The following FANCI variants were observed in gnomAD, a reference collection of about 807,000 sequenced individuals.
FANCI encodes Fanconi anemia group I protein.
FANCI carries 156 observed loss-of-function variants against 176.1 expected under a neutral mutation model. That is an observed-to-expected ratio of 0.89 (90% CI 0.78 to 1.01). FANCI has a LOEUF of 1.01. Among genes scored for constraint, FANCI ranks in the 50% least tolerant of loss-of-function variants. The probability of loss-of-function intolerance (pLI) is 0.00; values close to 1 mark genes in which losing one functional copy is unlikely to be tolerated. For missense variants in FANCI, 1,678 were observed against 1,534.1 expected (o/e 1.09, Z -1.57); for synonymous variants, 613 against 541.7 (o/e 1.13, Z -1.83).
intron 12 of FANCI, among the ~76,000 whole-genome samples, chr15:89,275,151 C>T (rs2053363770): frequency 7.4e-6 from 1 of 135,164 alleles, no homozygotes; most frequent in African/African-American, 2.7e-5. Context: ...TAGACTTGAT[C>T]TTCTGGGCTC....
At chr15:89,260,121 CTTTT>C (rs781094389) in intron 3 of FANCI, among the ~76,000 whole-genome samples, 1 of 150,880 alleles carries the variant, frequency 6.6e-6, no homozygotes. Context: ...TTGTTATTAT[CTTTT>C]TTTTTCAGTT....
intron 31 of FANCI, 103 bp from the exon 32 acceptor site, chr15:89,305,904 C>T: frequency 7.8e-7 from 1 of 1,274,722 alleles, no homozygotes; most frequent in Admixed American, 1.8e-5. Context: ...GTTCGTTTTT[C>T]CATAAAGACT....
intron 11 of FANCI, 95 bp from the exon 12 acceptor site, chr15:89,274,073 A>C (rs899953689): frequency 2.1e-6 from 2 of 952,200 alleles, no homozygotes; most frequent in Non-Finnish European, 3.1e-6. Flanking sequence ...TGAGCTATAT[A>C]ATATTTGCTT....
intron 2 of FANCI, among the ~76,000 whole-genome samples, chr15:89,251,293 T>G (rs566386107): frequency 2.6e-5 from 4 of 152,260 alleles, no homozygotes; most frequent in Admixed American, 2.6e-4. Flanking sequence ...CCAGTTTCCA[T>G]AGAAGAAAAG....
intron 10 of FANCI, among the ~76,000 whole-genome samples, chr15:89,272,768 C>A (rs1007500341): frequency 7.9e-5 from 12 of 152,220 alleles, no homozygotes; most frequent in Non-Finnish European, 1.6e-4. Flanking sequence ...CTCCCAGATT[C>A]AAGTGATTCT....
chr15:89,253,588 T>C (rs963883339), intron 2 of FANCI, among the ~76,000 whole-genome samples: 1 of 152,010 alleles, frequency 6.6e-6, no homozygotes, highest in Non-Finnish European at 1.5e-5. Context: ...CTCTTTAAGC[T>C]CAGTGCAGTG....
Position 89,316,547 on chromosome 15 carries a change from C to T in FANCI, c.*88C>T. On this transcript the variant is annotated 3_prime_UTR_variant, in exon 38 of 38. Transcript: ENST00000310775. ...AATGCCCCTTGTCCTGTAGTCCACA[C>T]CGATGTTGGCATCTTGGTTCTGAAC... 2 of 1,356,718 alleles carry T rather than the reference C, an allele frequency of 1.5e-6. No individual in the cohort carries two copies. The highest frequency in any genetic ancestry group is 1.9e-5 in the Admixed American group (1 of 51,356). 84.0% of individuals were successfully genotyped at this position (1,356,718 alleles called of 1,614,324 possible). A position where few individuals can be genotyped will look rare whatever the true frequency, so the allele number is the denominator to read the frequency against.
At chr15:89,290,334 A>G in intron 19 of FANCI, 53 bp downstream of exon 19, 2 of 1,375,338 alleles carry the variant, frequency 1.5e-6, no homozygotes, top group Non-Finnish European at 2.1e-6. Flanking sequence ...GGATCGAGAG[A>G]CAGTTGATGG....
In FANCI at chr15:89,261,823, G is replaced by C. The variant is rs1406688146; in HGVS notation, c.448G>C (p.Val150Leu). The C allele has an allele frequency of 6.2e-7, 1 of 1,613,954 alleles. No individual in the cohort carries two copies. The highest frequency in any genetic ancestry group is 1.1e-5 in the South Asian group (1 of 91,080). ...CTCAGTATATTTTGCATTTCTAGGT[G>C]TACTGAGTGGGGAAGAATGTAAGAA... ...KKENLAYGKGVLSGEECKKQL... is the reference protein window; with the variant it reads ...KKENLAYGKGLLSGEECKKQL... The change falls in exon 6 of 38, where the codon GTA becomes CTA. Residue 150 changes from valine to leucine, a missense_variant and splice_region_variant. Physicochemically the swap from Val to Leu is conservative, Grantham distance 32. This residue lies in a region of FANCI where 469 missense variants were observed against 436.9 expected (regional missense o/e 1.07). Transcript: ENST00000310775.
chr15:89,281,987 A>G, intron 16 of FANCI, 152 bp downstream of exon 16: 1 of 721,794 alleles, frequency 1.4e-6, no homozygotes, highest in Non-Finnish European at 2.4e-6. Context: ...CATTTTGCTA[A>G]GTGCTTTATG....
chr15:89,311,664 T>C (rs991301904), intron 34 of FANCI, among the ~76,000 whole-genome samples: 1 of 152,182 alleles, frequency 6.6e-6, no homozygotes, highest in Non-Finnish European at 1.5e-5. Flanking sequence ...AACAGATTAC[T>C]GCATACCAGC....
chr15:89,265,474 T>A, intron 9 of FANCI, among the ~76,000 whole-genome samples: 1 of 152,158 alleles, frequency 6.6e-6, no homozygotes, highest in East Asian at 1.9e-4. Flanking sequence ...CTCAAAGTGC[T>A]GGGATTACAG....
chr15:89,285,986 G>A (rs921569467), intron 18 of FANCI, among the ~76,000 whole-genome samples: 1 of 149,672 alleles, frequency 6.7e-6, no homozygotes, highest in Non-Finnish European at 1.5e-5. Flanking sequence ...TCCAAACTTA[G>A]TTTTTTTTTT....
chr15:89,308,716 G>A (rs532887647), intron 34 of FANCI, among the ~76,000 whole-genome samples: 151 of 152,186 alleles, frequency 9.9e-4, no homozygotes, highest in African/African-American at 3.2e-3. Context: ...AGGCCGAGGC[G>A]GGTGGATCAC....
rs1327916139 is a variant in FANCI at position 89,305,698 on chromosome 15, G to A, written c.3349G>A (p.Glu1117Lys). 6.8e-6 allele frequency: 11 copies of A among 1,612,908 alleles called. No individual in the cohort carries two copies. Among genetic ancestry groups the A allele is most frequent in the African/African-American group, 1.3e-5 (1 of 74,886 alleles). ...ACAAGTGAGCCAAGAAACCTTATCA[G>A]GTAAGATAAGTTCAACTGGGATTCC... is the stretch of plus-strand genomic sequence containing the variant. ...KGQVSQETLSEEASSQATLPN... is the reference protein window; with the variant it reads ...KGQVSQETLSKEASSQATLPN... The change falls in exon 31 of 38, where the codon GAA becomes AAA. Residue 1117 changes from glutamate to lysine, a missense_variant and splice_region_variant. Glu to Lys is a moderately conservative substitution (Grantham distance 56). This residue lies in a region of FANCI where 1,204 missense variants were observed against 1,077.4 expected (regional missense o/e 1.12). Transcript: ENST00000310775.
At chr15:89,266,637 G>C (rs1363037459) in intron 9 of FANCI, among the ~76,000 whole-genome samples, 1 of 150,178 alleles carries the variant, frequency 6.7e-6, no homozygotes, top group South Asian at 2.1e-4. Context: ...CCCAAGCCTG[G>C]CTAATTTTAA....
rs764539381 is a variant in FANCI, at chr15:89,301,308, T to G, written c.2890-18T>G. ...GTGTCTGCTAACATTGCTTGCTGTG[T>G]GTGCCTTCCTTTCTCAGAGGTCCTT... On this transcript the variant is annotated intron_variant, in intron 26 of 37. Transcript: ENST00000310775. The G allele has an allele frequency of 6.5e-7, 1 of 1,539,318 alleles. No individual in the cohort carries two copies. Among genetic ancestry groups the G allele is most frequent in the South Asian group, 1.1e-5 (1 of 89,564 alleles).
chr15:89,280,593 C>T (rs1158957623), intron 14 of FANCI, among the ~76,000 whole-genome samples: 2 of 152,094 alleles, frequency 1.3e-5, no homozygotes, highest in African/African-American at 2.4e-5. Flanking sequence ...TCATTGCTTT[C>T]CTAATATATA....
At chr15:89,270,558 CTAATTT>C (rs2053162572) in intron 10 of FANCI, among the ~76,000 whole-genome samples, 1 of 151,178 alleles carries the variant, frequency 6.6e-6, no homozygotes. Flanking sequence ...CCAAGGAATT[CTAATTT>C]TAATTAGAAA....
Sources: gnomAD v4.1 joint callset for allele counts (sites outside exome capture counted in the v4.1 genomes callset) on GRCh38, gnomAD v4.1.1 for gene constraint, gnomAD v4.1.1 regional missense constraint, MANE v1.5 for transcripts, NCBI Gene and HGNC (gene_info 2026-07-23, HGNC 2026-07-21) for gene names.